The following BTBD9 variants were observed in gnomAD, a reference collection of about 807,000 sequenced individuals.
The protein encoded by BTBD9 is BTB domain containing 9, also known as BTB/POZ domain-containing protein 9.
BTBD9 carries 49 observed loss-of-function variants against 64.3 expected under a neutral mutation model. That is an observed-to-expected ratio of 0.76 (90% confidence interval 0.61 to 0.97). The LOEUF (loss-of-function observed/expected upper bound fraction) is 0.97, where lower values mean the gene tolerates loss of function less well. BTBD9 is among the 50% of genes least tolerant of loss of function. The pLI, the probability that BTBD9 is intolerant of heterozygous loss-of-function variation, is 0.00. For synonymous variants in BTBD9, 260 were observed against 274.7 expected, an observed-to-expected ratio of 0.95 and a Z score of 0.53; for missense variants, 598 against 762.1, an observed-to-expected ratio of 0.78 and a Z score of 2.53.
intron 4 of BTBD9, among the ~76,000 whole-genome samples, chr6:38,582,372 C>A (rs1338272989): frequency 6.6e-6 from 1 of 152,198 alleles, no homozygotes; most frequent in Non-Finnish European, 1.5e-5. Context: ...CTTTGACTTA[C>A]TCCTCATAAT....
At chr6:38,458,749 A>G (rs1769934773) in intron 6 of BTBD9, among the ~76,000 whole-genome samples, 1 of 152,220 alleles carries the variant, frequency 6.6e-6, no homozygotes, top group African/African-American at 2.4e-5. Context: ...GGTCATCTGG[A>G]TTATTTGAAA....
At chr6:38,299,221 G>C (rs1762287488) in intron 7 of BTBD9, among the ~76,000 whole-genome samples, 2 of 152,198 alleles carry the variant, frequency 1.3e-5, no homozygotes, top group Admixed American at 6.5e-5. Flanking sequence ...ATTCCATGGT[G>C]TGTATGTGCC....
intron 6 of BTBD9, among the ~76,000 whole-genome samples, chr6:38,422,721 T>C (rs769667735): frequency 9.9e-5 from 15 of 152,226 alleles, no homozygotes; most frequent in Admixed American, 2.6e-4. Flanking sequence ...AGGTCACGAT[T>C]TGCCTCCCTA....
At chr6:38,504,516 A>G (rs1157269706) in intron 6 of BTBD9, 1 of 456,722 alleles carries the variant, frequency 2.2e-6, no homozygotes, top group Non-Finnish European at 4.4e-6. Context: ...TTGCACTGTC[A>G]CTGTCAGTTA....
In BTBD9 at chr6:38,619,120, T is replaced by C. The variant is rs536309364; in HGVS notation, c.-28+20680A>G. On this transcript the variant is annotated intron_variant, in intron 1 of 10. Coordinates refer to ENST00000481247, the MANE Select transcript of BTBD9 (RefSeq NM_001099272.2). ...CTTCCTTGAGTGGCTATGGGAGGAC[T>C]TAAGAAAATATACTCCTCTGTCACC... Among the ~76,000 whole-genome samples, 12 of 152,270 alleles carry C rather than the reference T, an allele frequency of 7.9e-5. No homozygotes were observed. The South Asian group carries it at 2.5e-3, about 32-fold the overall frequency.
chr6:38,417,871 T>G (rs554337401), intron 6 of BTBD9, among the ~76,000 whole-genome samples: 1 of 152,026 alleles, frequency 6.6e-6, no homozygotes, highest in South Asian at 2.1e-4. Flanking sequence ...TTAGTTGACT[T>G]TCATTTTCCC....
At chr6:38,187,867 G>A (rs1462738894) in intron 10 of BTBD9, among the ~76,000 whole-genome samples, 2 of 152,212 alleles carry the variant, frequency 1.3e-5, no homozygotes, top group East Asian at 3.9e-4. Flanking sequence ...CTTCCCAGAG[G>A]AGAGGGATGG....
intron 9 of BTBD9, among the ~76,000 whole-genome samples, chr6:38,233,099 T>C (rs1763666587): frequency 6.6e-6 from 1 of 152,236 alleles, no homozygotes; most frequent in African/African-American, 2.4e-5. Context: ...GAATTTGATT[T>C]GGATTAGTTT....
intron 6 of BTBD9, among the ~76,000 whole-genome samples, chr6:38,479,335 C>T (rs933141854): frequency 1.6e-4 from 24 of 152,016 alleles, no homozygotes; most frequent in South Asian, 1.5e-3. Flanking sequence ...ATCTGATAAT[C>T]CACACAGTGT....
At chr6:38,541,921 T>C (rs1774299928) in intron 6 of BTBD9, among the ~76,000 whole-genome samples, 2 of 152,184 alleles carry the variant, frequency 1.3e-5, no homozygotes, top group African/African-American at 2.4e-5. Context: ...TCATGCTTAC[T>C]AAAAAGATAA....
At chr6:38,256,875 G>A (rs1285235737) in intron 8 of BTBD9, among the ~76,000 whole-genome samples, 3 of 152,066 alleles carry the variant, frequency 2.0e-5, no homozygotes, top group African/African-American at 4.8e-5. Flanking sequence ...CTGTAATTTC[G>A]AGTTGATTTT....
intron 8 of BTBD9, among the ~76,000 whole-genome samples, chr6:38,270,621 G>A (rs1487158196): frequency 6.6e-6 from 1 of 152,158 alleles, no homozygotes; most frequent in Non-Finnish European, 1.5e-5. Context: ...CGCTGGTGCT[G>A]GAACTGTGTA....
chr6:38,487,639 G>GAGGAA (rs749140294), intron 6 of BTBD9, among the ~76,000 whole-genome samples: 11 of 148,610 alleles, frequency 7.4e-5, no homozygotes, highest in African/African-American at 2.2e-4. Flanking sequence ...AGGAAAGAAA[G>GAGGAA]AGGAAAGGAA....
At chr6:38,588,072 A>G (rs905289008) in intron 4 of BTBD9, 9 of 728,640 alleles carry the variant, frequency 1.2e-5, no homozygotes, top group Admixed American at 9.4e-5. Flanking sequence ...CTGTATCAAT[A>G]GTACCAGCAA....
chr6:38,328,570 T>C (rs958283405), intron 7 of BTBD9, among the ~76,000 whole-genome samples: 1 of 86,022 alleles, frequency 1.2e-5, no homozygotes, highest in Non-Finnish European at 3.0e-5. Flanking sequence ...CCACCGTGTG[T>C]GTGTGTGTGT....
At chr6:38,381,956 TAA>T (rs1458366281) in intron 6 of BTBD9, among the ~76,000 whole-genome samples, 3 of 152,114 alleles carry the variant, frequency 2.0e-5, no homozygotes, top group Non-Finnish European at 2.9e-5. Flanking sequence ...TAACAATTAC[TAA>T]AACTTGTGGG....
At chr6:38,381,507 G>A (rs576260275) in intron 6 of BTBD9, among the ~76,000 whole-genome samples, 1 of 152,170 alleles carries the variant, frequency 6.6e-6, no homozygotes, top group Non-Finnish European at 1.5e-5. Context: ...ATCAATGGCA[G>A]ATTTTAACTG....
rs749779045 is a variant in BTBD9, at chr6:38,175,116, CCTCA to C, written c.1704_1707del (p.Ser568ArgfsTer179). 8.1e-6 allele frequency: 13 copies of C among 1,614,102 alleles called. No individual in the cohort carries two copies. Among genetic ancestry groups the C allele is most frequent in the African/African-American group, 1.3e-5 (1 of 74,936 alleles). ...AGGCTGGTGTCCCCTGTCCCCGATT[CCTCA>C]CTATTTTCCTCCTTCTGGCTGCTCT... is the stretch of plus-strand genomic sequence containing the variant. On this transcript the variant is annotated frameshift_variant, in exon 11 of 11. Transcript: ENST00000481247. LOFTEE classifies it high-confidence loss of function.
chr6:38,502,810 A>G (rs980004587), intron 6 of BTBD9, among the ~76,000 whole-genome samples: 2 of 152,204 alleles, frequency 1.3e-5, no homozygotes, highest in Non-Finnish European at 2.9e-5. Context: ...AATTTGATTC[A>G]ATTCAATGAA....
Sources: allele counts gnomAD v4.1 joint callset (sites outside exome capture counted in the v4.1 genomes callset), GRCh38; gene constraint gnomAD v4.1.1; transcripts MANE v1.5; gene names NCBI Gene and HGNC (gene_info 2026-07-23, HGNC 2026-07-21).